The following PCDHGA4 variants were observed in gnomAD, a reference collection of about 807,000 sequenced individuals.
PCDHGA4 encodes protocadherin gamma subfamily A, 4, also known as protocadherin gamma-A4.
PCDHGA4 carries 38 observed loss-of-function variants against 54.6 expected under a neutral mutation model. That is an observed-to-expected ratio of 0.70 (90% CI 0.54 to 0.91). The LOEUF (loss-of-function observed/expected upper bound fraction) is 0.91. Among genes scored for constraint, PCDHGA4 ranks in the 40% least tolerant of loss-of-function variants. PCDHGA4 has a pLI of 0.00. For synonymous variants in PCDHGA4, 511 were observed against 512.9 expected, an observed-to-expected ratio of 1.00 and a Z score of 0.05; for missense variants, 1,298 against 1,220.9, an observed-to-expected ratio of 1.06 and a Z score of -0.94.
rs181806844 is a variant in PCDHGA4 at position 141,445,046 on chromosome 5, G to T, written c.2515-49761G>T. Among the ~76,000 whole-genome samples the T allele has an allele frequency of 1.2e-4, 19 of 152,248 alleles. No individual in the cohort carries two copies. The East Asian group carries it at 3.7e-3, about 29-fold the overall frequency. ...TCAGCTATGTTGTATAGTTTTCAGT[G>T]TAGAGAGGTCATGTATATTTCTCAT... On this transcript the variant is annotated intron_variant, in intron 1 of 3. Transcript: ENST00000571252.
At chr5:141,402,908 G>A (rs772824235) in intron 1 of PCDHGA4, 1 of 1,545,226 alleles carries the variant, frequency 6.5e-7, no homozygotes, top group Admixed American at 2.0e-5. Context: ...TGATGAAGCA[G>A]CGCGCACAGA....
chr5:141,470,479 C>T (rs2099231547), intron 1 of PCDHGA4, among the ~76,000 whole-genome samples: 1 of 152,078 alleles, frequency 6.6e-6, no homozygotes, highest in African/African-American at 2.4e-5. Flanking sequence ...ATTACTAACC[C>T]TCTGGGAATA....
intron 1 of PCDHGA4, chr5:141,404,933 A>C (rs2094586796): frequency 6.2e-7 from 1 of 1,613,764 alleles, no homozygotes; most frequent in Non-Finnish European, 8.5e-7. Flanking sequence ...TGTCACGCTC[A>C]CAGTAGCCAT....
chr5:141,473,163 G>T (rs1379230893), intron 1 of PCDHGA4, among the ~76,000 whole-genome samples: 2 of 152,160 alleles, frequency 1.3e-5, no homozygotes, highest in Non-Finnish European at 1.5e-5. Flanking sequence ...GGGCTAGGAA[G>T]GCCCACTGGT....
chr5:141,366,259 G>A (rs369720611), intron 1 of PCDHGA4: 29 of 1,613,546 alleles, frequency 1.8e-5, no homozygotes, highest in Non-Finnish European at 2.5e-5. Context: ...AGAGCCTCGT[G>A]GTGGCCGTCG....
At chr5:141,475,059 G>T (rs2099358742) in intron 1 of PCDHGA4, among the ~76,000 whole-genome samples, 1 of 152,180 alleles carries the variant, frequency 6.6e-6, no homozygotes, top group South Asian at 2.1e-4. Flanking sequence ...AAAGATTTGT[G>T]GAGCTTTGCT....
At chr5:141,370,557 G>A (rs1439774902) in intron 1 of PCDHGA4, 1 of 1,613,966 alleles carries the variant, frequency 6.2e-7, no homozygotes, top group East Asian at 2.2e-5. Context: ...CAAGGACCTG[G>A]GGTTTGGCGT....
intron 2 of PCDHGA4, among the ~76,000 whole-genome samples, chr5:141,497,541 T>A (rs1157403777): frequency 1.1e-5 from 1 of 89,566 alleles, no homozygotes; most frequent in Admixed American, 1.2e-4. Context: ...GCAACAAACC[T>A]TTTTTTTTTT....
At chr5:141,508,662 T>G (rs2099870759) in intron 3 of PCDHGA4, among the ~76,000 whole-genome samples, 1 of 152,122 alleles carries the variant, frequency 6.6e-6, no homozygotes, top group Non-Finnish European at 1.5e-5. Context: ...CCTGTCATTC[T>G]GTCTCTGCCT....
chr5:141,432,173 G>C lies in PCDHGA4; in HGVS notation c.2515-62634G>C, dbSNP rs771177256. On this transcript the variant is annotated intron_variant, in intron 1 of 3. Transcript: ENST00000571252. This position sits in a 1 kb window ranked among gnomAD's most constrained non-coding sequence, Gnocchi z 6.0. ...GAACAATCCCAGAGGAGTTTCCCTC[G>C]TCTCTGTGACCGCCCACGACCCCGA... The C allele has an allele frequency of 3.1e-6, 5 of 1,614,054 alleles. No homozygotes were observed. Among genetic ancestry groups the C allele is most frequent in the South Asian group, 1.1e-5 (1 of 91,054 alleles).
At chr5:141,440,631 A>C (rs1036203175) in intron 1 of PCDHGA4, 2 of 152,224 alleles carry the variant, frequency 1.3e-5, no homozygotes, top group African/African-American at 4.8e-5. Flanking sequence ...ATGTTGAGAG[A>C]AATTCCTTAC....
chr5:141,431,537 C>A lies in PCDHGA4; in HGVS notation c.2515-63270C>A, dbSNP rs2097391571. On this transcript the variant is annotated intron_variant, in intron 1 of 3. Transcript: ENST00000571252. This position sits in a 1 kb window ranked among gnomAD's most constrained non-coding sequence, Gnocchi z 4.8. ...TCCGGAGAATCTGGCCTTGGGCACG[C>A]AGCTGCTTGTAGTCAACGCTACCGA... 6.2e-7 allele frequency: 1 copy of A among 1,614,102 alleles called. No individual in the cohort carries two copies. The highest frequency in any genetic ancestry group is 1.3e-5 in the African/African-American group (1 of 75,072).
rs376892761 is a variant in PCDHGA4, at chr5:141,375,904, C to T, written c.2514+18283C>T. On this transcript the variant is annotated intron_variant, in intron 1 of 3. Transcript: ENST00000571252. ...GCCAGAACGCCTGGCTGTCCTACCG[C>T]CTGCTCAAGGCCAGCGAGCCAGGAC... The T allele has an allele frequency of 2.5e-5, 41 of 1,613,756 alleles. No homozygotes were observed. In the South Asian group the frequency reaches 2.6e-4, roughly 10 times the overall value.
At chr5:141,370,708 A>G in intron 1 of PCDHGA4, 6 of 1,613,778 alleles carry the variant, frequency 3.7e-6, no homozygotes, top group Non-Finnish European at 5.1e-6. Context: ...TGTGTTCTGG[A>G]ATTTGAAATG....
rs1426255577 is a variant in PCDHGA4, at chr5:141,512,797, TG to T, written c.*1625del. 6.6e-6 allele frequency: 1 copy of T among 152,300 alleles called. No homozygotes were observed. Among genetic ancestry groups the T allele is most frequent in the African/African-American group, 2.4e-5 (1 of 41,444 alleles). The allele number at this position is 152,300 out of a possible 1,614,324, so 9.4% of individuals were successfully genotyped here. On this transcript the variant is annotated 3_prime_UTR_variant, in exon 4 of 4. Transcript: ENST00000571252. ...GCGGCCCGTGTTGTGTTTTGTGCTGTGTCCACGCGCTAAGGCGACCCCCTCC... is the reference window on the plus strand; with the variant it reads ...GCGGCCCGTGTTGTGTTTTGTGCTGTTCCACGCGCTAAGGCGACCCCCTCC...
chr5:141,419,013 G>A, intron 1 of PCDHGA4: 2 of 1,613,958 alleles, frequency 1.2e-6, no homozygotes, highest in South Asian at 2.2e-5. Flanking sequence ...GTCAGGTGTA[G>A]CTTAAGTAGA....
At position 141,476,387 on chromosome 5, in the gene PCDHGA4, C is replaced by A. The variant is rs147660262; in HGVS notation, c.2515-18420C>A. ...GACCGGAGAGATGTTTGTGAACGAC[C>A]GTCTGGATCGAGAGGAGCTGTGTGG... is the stretch of plus-strand genomic sequence containing the variant. On this transcript the variant is annotated intron_variant, in intron 1 of 3. Transcript: ENST00000571252. The surrounding 1 kb of genome is among the most constrained non-coding windows in gnomAD (Gnocchi z 7.6). 1.2e-6 allele frequency: 2 copies of A among 1,614,076 alleles called. No individual in the cohort carries two copies. Among genetic ancestry groups the A allele is most frequent in the Non-Finnish European group, 8.5e-7 (1 of 1,180,024 alleles).
chr5:141,437,664 A>G (rs10035418), intron 1 of PCDHGA4, among the ~76,000 whole-genome samples: 45,525 of 151,942 alleles, frequency 0.3, 8,040 homozygotes, highest in African/African-American at 0.5. Context: ...AGTTTCGAAG[A>G]GATGTTGATC....
chr5:141,367,108 A>AC, intron 1 of PCDHGA4: 1 of 233,042 alleles, frequency 4.3e-6, no homozygotes, highest in Non-Finnish European at 8.4e-6. Context: ...GTCTGCCTAG[A>AC]CACCATTAGT....
Sources: gnomAD v4.1 joint callset for allele counts (sites outside exome capture counted in the v4.1 genomes callset) on GRCh38, gnomAD v4.1.1 for gene constraint, Gnocchi (gnomAD v3.1) non-coding constraint, MANE v1.5 for transcripts, NCBI Gene and HGNC (gene_info 2026-07-23, HGNC 2026-07-21) for gene names.